Variants in ERMP1 observed in about 807,000 individuals in gnomAD.
The protein encoded by ERMP1 is Felix-ina.
In ERMP1, 86 loss-of-function variants were observed where a neutral mutation model predicts 92.0. That is an observed-to-expected ratio of 0.93 (90% CI 0.79 to 1.12). ERMP1 has a LOEUF of 1.12. Among genes scored for constraint, ERMP1 ranks in the 50% most tolerant of loss-of-function variants. ERMP1 has a pLI of 0.00. For missense variants in ERMP1, 1,342 were observed against 1,116.3 expected (o/e 1.20, Z -2.88); for synonymous variants, 530 against 412.8 (o/e 1.28, Z -3.44).
intron 7 of ERMP1, 39 bp downstream of exon 7, chr9:5,811,072 G>C (rs376034885): frequency 1.3e-5 from 18 of 1,387,392 alleles, no homozygotes; most frequent in South Asian, 3.5e-5. Context: ...ACATTCTACA[G>C]CAATGCCAGT....
At chr9:5,816,569 A>G (rs1255692652) in intron 4 of ERMP1, among the ~76,000 whole-genome samples, 1 of 152,214 alleles carries the variant, frequency 6.6e-6, no homozygotes, top group East Asian at 1.9e-4. Flanking sequence ...TACCCAAAAT[A>G]TCTACCAAAG....
chr9:5,808,989 G>C (rs1013750039), intron 8 of ERMP1, among the ~76,000 whole-genome samples: 1 of 152,040 alleles, frequency 6.6e-6, no homozygotes, highest in African/African-American at 2.4e-5. Context: ...AAAGTGTTGG[G>C]ATTACAGGCA....
intron 5 of ERMP1, among the ~76,000 whole-genome samples, chr9:5,863,581 C>G (rs1586851865): frequency 6.6e-6 from 1 of 152,158 alleles, no homozygotes; most frequent in South Asian, 2.1e-4. Flanking sequence ...TCCTCCTTCC[C>G]TGTCTGGGTG....
intron 6 of ERMP1, among the ~76,000 whole-genome samples, chr9:5,854,889 C>G (rs1830354395): frequency 1.3e-5 from 2 of 152,128 alleles, no homozygotes; most frequent in Non-Finnish European, 2.9e-5. Flanking sequence ...TAATATTTCC[C>G]ATGTTTTTTG....
At chr9:5,787,773 G>A (rs1437692299) in intron 13 of ERMP1, among the ~76,000 whole-genome samples, 180 bp from the exon 14 acceptor site, 1 of 152,208 alleles carries the variant, frequency 6.6e-6, no homozygotes, top group Non-Finnish European at 1.5e-5. Context: ...GTTAAATAAT[G>A]AGGTACAGGA....
upstream of ERMP1, among the ~76,000 whole-genome samples, chr9:5,833,506 A>G (rs1299684802): frequency 6.6e-6 from 1 of 152,204 alleles, no homozygotes; most frequent in African/African-American, 2.4e-5. Context: ...GGCCCGGCCT[A>G]TTGCTTTCAC....
chr9:5,866,324 T>C (rs1338113541), intron 5 of ERMP1, among the ~76,000 whole-genome samples: 1 of 152,146 alleles, frequency 6.6e-6, no homozygotes, highest in Non-Finnish European at 1.5e-5. Context: ...ACCAATATTA[T>C]CCAAACAACA....
upstream of ERMP1, among the ~76,000 whole-genome samples, chr9:5,834,973 A>ATGGG (rs765270634): frequency 8.0e-6 from 1 of 124,766 alleles, no homozygotes; most frequent in African/African-American, 3.0e-5. Context: ...AGATGGATAG[A>ATGGG]TAGATGTGTG....
intron 6 of ERMP1, among the ~76,000 whole-genome samples, chr9:5,842,195 T>G (rs1316920213): frequency 6.6e-6 from 1 of 152,180 alleles, no homozygotes; most frequent in Non-Finnish European, 1.5e-5. Flanking sequence ...TTCCCTTACT[T>G]GGCCCCGCCC....
chr9:5,833,143 G>T, upstream of ERMP1: 2 of 964,754 alleles, frequency 2.1e-6, no homozygotes, highest in Non-Finnish European at 2.9e-6. Flanking sequence ...ACTGCAGAGG[G>T]CCAAACTTCT....
upstream of ERMP1, among the ~76,000 whole-genome samples, chr9:5,835,351 C>T (rs1307635101): frequency 2.7e-5 from 2 of 72,964 alleles, no homozygotes; most frequent in African/African-American, 7.1e-5. Context: ...AGACAATGAA[C>T]GCGCGCGCGC....
At chr9:5,863,470 G>A (rs1286564159) in intron 5 of ERMP1, among the ~76,000 whole-genome samples, 1 of 152,174 alleles carries the variant, frequency 6.6e-6, no homozygotes, top group African/African-American at 2.4e-5. Flanking sequence ...ATAAGAACCA[G>A]AGGGCAAAGC....
At chr9:5,790,307 T>G (rs1441232527) in intron 13 of ERMP1, among the ~76,000 whole-genome samples, 2 of 150,286 alleles carry the variant, frequency 1.3e-5, no homozygotes, top group Admixed American at 1.3e-4. Context: ...TTAAAACAAA[T>G]ATAAACATTC....
At chr9:5,797,311 G>C (rs982512286) in intron 13 of ERMP1, among the ~76,000 whole-genome samples, 11 of 151,922 alleles carry the variant, frequency 7.2e-5, no homozygotes, top group African/African-American at 1.9e-4. Flanking sequence ...TGAGTAGCAA[G>C]CATAAGCCAC....
chr9:5,848,387 C>G (rs1830265034), intron 6 of ERMP1, among the ~76,000 whole-genome samples: 1 of 152,150 alleles, frequency 6.6e-6, no homozygotes, highest in Non-Finnish European at 1.5e-5. Flanking sequence ...GCCTAGAACC[C>G]TCAGAACAAA....
At position 5,830,908 on chromosome 9, in the gene ERMP1, G is replaced by C. The variant is rs1281088411; in HGVS notation, c.459C>G (p.Ser153Arg). ...QIKLIEVQSN[S>R]LHKISVDVQR... ...GTACATCTACTGAAATCTTATGAAG[G>C]CTGTTGCTTTGCACTTCAATCAGTT... is the stretch of plus-strand genomic sequence containing the variant. The change falls in exon 2 of 15, where the codon AGC becomes AGG. Residue 153 changes from serine (S) to arginine (R), a missense_variant. Physicochemically the swap from Ser to Arg is moderately radical, Grantham distance 110. Transcript: ENST00000339450. 4 of 1,613,926 alleles carry C rather than the reference G, an allele frequency of 2.5e-6. No individual in the cohort carries two copies. The highest frequency in any genetic ancestry group is 2.2e-5 in the South Asian group (2 of 91,084).
intron 5 of ERMP1, among the ~76,000 whole-genome samples, chr9:5,861,319 A>C (rs1405674733): frequency 1.3e-5 from 2 of 151,836 alleles, no homozygotes; most frequent in Non-Finnish European, 2.9e-5. Context: ...AGCTGTGCTG[A>C]ATTTGGGTGA....
chr9:5,791,419 ATCTG>A (rs1365282300), intron 13 of ERMP1: 2 of 419,258 alleles, frequency 4.8e-6, no homozygotes, highest in Admixed American at 2.7e-5. Flanking sequence ...ATGGAGGGCA[ATCTG>A]CTTTACTCGA....
chr9:5,860,468 T>C (rs184969751), intron 5 of ERMP1, among the ~76,000 whole-genome samples: 2 of 152,232 alleles, frequency 1.3e-5, no homozygotes, highest in East Asian at 1.9e-4. Context: ...TATGGATGGA[T>C]AAGTGAGTAA....
Sources: allele counts gnomAD v4.1 joint callset (sites outside exome capture counted in the v4.1 genomes callset), GRCh38; gene constraint gnomAD v4.1.1; transcripts MANE v1.5; gene names NCBI Gene and HGNC (gene_info 2026-07-23, HGNC 2026-07-21).